Variants in SORCS2 observed in about 807,000 individuals in gnomAD.
SORCS2 encodes the protein VPS10 domain-containing receptor SorCS2.
Under a neutral mutation model 141.6 loss-of-function variants are expected in SORCS2, and 100 were observed. That is an observed-to-expected ratio of 0.71 (90% CI 0.60 to 0.83). SORCS2 has a LOEUF of 0.83. Among genes scored for constraint, SORCS2 ranks in the 40% least tolerant of loss-of-function variants. The pLI, the probability that SORCS2 is intolerant of heterozygous loss-of-function variation, is 0.00. For synonymous variants in SORCS2, 789 were observed against 676.9 expected (o/e 1.17, Z -2.57); for missense variants, 1,646 against 1,560.2 (o/e 1.05, Z -0.93).
intron 2 of SORCS2, among the ~76,000 whole-genome samples, chr4:7,456,285 C>A (rs943743358): frequency 4.6e-5 from 7 of 152,168 alleles, no homozygotes; most frequent in African/African-American, 1.7e-4. Flanking sequence ...ATGACAGGAG[C>A]TCACTGGTGT....
chr4:7,236,976 G>C (rs1436980143), intron 1 of SORCS2, among the ~76,000 whole-genome samples: 5 of 152,178 alleles, frequency 3.3e-5, no homozygotes, highest in Admixed American at 3.3e-4. Context: ...GGGCTCTGCT[G>C]AGCCCACCTG....
At chr4:7,280,777 C>T (rs1019324497) in intron 1 of SORCS2, among the ~76,000 whole-genome samples, 1 of 152,150 alleles carries the variant, frequency 6.6e-6, no homozygotes, top group Non-Finnish European at 1.5e-5. Flanking sequence ...GTACTGCATA[C>T]GATGATTGTA....
chr4:7,591,858 C>T (rs868035347), intron 3 of SORCS2, among the ~76,000 whole-genome samples: 2 of 152,136 alleles, frequency 1.3e-5, no homozygotes, highest in African/African-American at 2.4e-5. Context: ...CTGCGCTCTG[C>T]GGTGTTTGTG....
At position 7,587,726 on chromosome 4, in the gene SORCS2, G is replaced by A. The variant is rs546903204; in HGVS notation, c.649-50602G>A. Reference sequence around the variant, plus strand: ...GCCCAGGCGTGTCTGCCCACCTCCCGTCACTTTAAATATGTAAACTGGCCC... The same window carrying A: ...GCCCAGGCGTGTCTGCCCACCTCCCATCACTTTAAATATGTAAACTGGCCC... On this transcript the variant is annotated intron_variant, in intron 3 of 26. Coordinates refer to ENST00000507866, the MANE Select transcript of SORCS2 (RefSeq NM_020777.3). Among the ~76,000 whole-genome samples, 402 of 152,212 alleles carry A rather than the reference G, an allele frequency of 2.6e-3. 1 individual carries two copies. The highest frequency in any genetic ancestry group is 8.4e-3 in the African/African-American group (349 of 41,536).
At chr4:7,657,608 G>A (rs13145973) in intron 5 of SORCS2, among the ~76,000 whole-genome samples, 1 of 151,368 alleles carries the variant, frequency 6.6e-6, no homozygotes, top group East Asian at 1.9e-4. Flanking sequence ...TGAGTGAGTG[G>A]GTGAGTGAGT....
intron 3 of SORCS2, among the ~76,000 whole-genome samples, chr4:7,576,366 C>A (rs925376916): frequency 2.6e-5 from 4 of 152,098 alleles, no homozygotes; most frequent in Non-Finnish European, 4.4e-5. Flanking sequence ...AGACCATTTT[C>A]AAAAATGAGC....
chr4:7,468,095 T>A (rs553717234), intron 2 of SORCS2, among the ~76,000 whole-genome samples: 17 of 152,300 alleles, frequency 1.1e-4, no homozygotes, highest in African/African-American at 4.1e-4. Context: ...ATCTCAACTG[T>A]CCCCTGCAAG....
chr4:7,297,940 T>C (rs546634913), intron 1 of SORCS2, among the ~76,000 whole-genome samples: 22 of 152,340 alleles, frequency 1.4e-4, no homozygotes, highest in African/African-American at 5.1e-4. Flanking sequence ...CTGAGCCCCC[T>C]GGGGCTGGTA....
intron 1 of SORCS2, among the ~76,000 whole-genome samples, chr4:7,353,717 C>G (rs540704150): frequency 2.6e-4 from 39 of 152,104 alleles, no homozygotes; most frequent in South Asian, 1.9e-3. Context: ...TTTTCTGGGT[C>G]GTGTTTGTCA....
At chr4:7,678,535 CAG>C (rs1316794096) in intron 9 of SORCS2, among the ~76,000 whole-genome samples, 1 of 142,276 alleles carries the variant, frequency 7.0e-6, no homozygotes, top group African/African-American at 2.6e-5. Context: ...AGACACAGCA[CAG>C]GGGCGGTTGG....
At chr4:7,653,297 G>A (rs1433292367) in intron 4 of SORCS2, among the ~76,000 whole-genome samples, 1 of 152,188 alleles carries the variant, frequency 6.6e-6, no homozygotes, top group Non-Finnish European at 1.5e-5. Flanking sequence ...GGGCTGGAGT[G>A]CAGTGGTGTG....
chr4:7,624,081 C>T (rs1295629545), intron 3 of SORCS2, among the ~76,000 whole-genome samples: 4 of 152,156 alleles, frequency 2.6e-5, no homozygotes, highest in East Asian at 1.9e-4. Context: ...TGGTCCAGTG[C>T]CCGGCATACA....
intron 2 of SORCS2, among the ~76,000 whole-genome samples, chr4:7,499,503 C>T (rs377032118): frequency 3.3e-5 from 5 of 152,018 alleles, no homozygotes; most frequent in Admixed American, 6.6e-5. Context: ...GGGGAGATGG[C>T]GTGGGGCGGA....
intron 1 of SORCS2, among the ~76,000 whole-genome samples, chr4:7,275,339 C>T (rs943259762): frequency 6.6e-6 from 1 of 152,170 alleles, no homozygotes; most frequent in Non-Finnish European, 1.5e-5. Context: ...TCACAGAGTA[C>T]TTTCCAATGA....
At chr4:7,516,975 G>C (rs1343136343) in intron 2 of SORCS2, among the ~76,000 whole-genome samples, 4 of 152,194 alleles carry the variant, frequency 2.6e-5, no homozygotes, top group Non-Finnish European at 4.4e-5. Context: ...CCTCTGGTTG[G>C]TGAGAATGTG....
At chr4:7,360,158 G>A (rs950764062) in intron 1 of SORCS2, among the ~76,000 whole-genome samples, 35 of 152,158 alleles carry the variant, frequency 2.3e-4, no homozygotes, top group African/African-American at 6.8e-4. Flanking sequence ...TCATTGATCC[G>A]CCTACTCTGT....
At chr4:7,593,121 C>T (rs13102068) in intron 3 of SORCS2, among the ~76,000 whole-genome samples, 40,665 of 152,050 alleles carry the variant, frequency 0.27, 5,571 homozygotes, top group African/African-American at 0.33. Flanking sequence ...GAGCCATGAT[C>T]GCACCCCTGC....
chr4:7,212,829 G>A (rs554094942), intron 1 of SORCS2, among the ~76,000 whole-genome samples: 2 of 152,268 alleles, frequency 1.3e-5, no homozygotes, highest in African/African-American at 4.8e-5. Context: ...TGGAAGAAGA[G>A]AGTGCAGGTT....
At chr4:7,550,924 C>T (rs976875383) in intron 3 of SORCS2, among the ~76,000 whole-genome samples, 3 of 152,190 alleles carry the variant, frequency 2.0e-5, no homozygotes, top group Non-Finnish European at 4.4e-5. Context: ...GGGCTGTGAA[C>T]CAGCTGAGCT....
Sources: gnomAD v4.1 joint callset for allele counts (sites outside exome capture counted in the v4.1 genomes callset) on GRCh38, gnomAD v4.1.1 for gene constraint, MANE v1.5 for transcripts, NCBI Gene and HGNC (gene_info 2026-07-23, HGNC 2026-07-21) for gene names.